Variants in FHOD3 observed in about 807,000 individuals in gnomAD.
FHOD3 encodes FH1/FH2 domain-containing protein 3.
A neutral mutation model predicts 173.0 loss-of-function variants in FHOD3; 90 were observed. The observed-to-expected ratio is 0.52, with a 90% CI of 0.44 to 0.62. The LOEUF (loss-of-function observed/expected upper bound fraction) is 0.62. Ranked by LOEUF, FHOD3 falls within the 20% of genes least tolerant of loss-of-function variation. The pLI is 0.00. For synonymous variants in FHOD3, 828 were observed against 823.0 expected, an observed-to-expected ratio of 1.01 and a Z score of -0.10; for missense variants, 1,945 against 2,034.7, an observed-to-expected ratio of 0.96 and a Z score of 0.85.
chr18:36,643,385 C>G (rs917769180), intron 10 of FHOD3, among the ~76,000 whole-genome samples: 1 of 151,966 alleles, frequency 6.6e-6, no homozygotes, highest in Non-Finnish European at 1.5e-5. Flanking sequence ...GCCCTCCACC[C>G]CTGTTGTGAC....
chr18:36,369,595 A>G (rs74917185), intron 2 of FHOD3, among the ~76,000 whole-genome samples: 2,007 of 152,052 alleles, frequency 0.013, 33 homozygotes, highest in African/African-American at 0.045. Flanking sequence ...AGACTTACGT[A>G]TATGTGTATA....
chr18:36,770,414 G>T (rs1415528794), intron 28 of FHOD3, among the ~76,000 whole-genome samples: 1 of 152,198 alleles, frequency 6.6e-6, no homozygotes, highest in Admixed American at 6.5e-5. Context: ...GCCTGTGTAT[G>T]TTGGACCCAG....
intron 10 of FHOD3, among the ~76,000 whole-genome samples, chr18:36,630,565 A>G (rs1339723623): frequency 1.3e-5 from 2 of 152,234 alleles, no homozygotes; most frequent in Non-Finnish European, 2.9e-5. Context: ...ATGGAATGTG[A>G]CACCAGCATA....
At chr18:36,400,724 T>G (rs546791928) in intron 3 of FHOD3, among the ~76,000 whole-genome samples, 12 of 152,290 alleles carry the variant, frequency 7.9e-5, no homozygotes, top group African/African-American at 2.9e-4. Flanking sequence ...GGAACAGGGA[T>G]GGAGGCTGGG....
At chr18:36,354,184 C>T (rs972681456) in intron 1 of FHOD3, among the ~76,000 whole-genome samples, 11 of 152,142 alleles carry the variant, frequency 7.2e-5, no homozygotes, top group Admixed American at 2.0e-4. Context: ...CATTTTGCAC[C>T]GTGACAAAAT....
chr18:36,592,090 G>A (rs547684557), intron 6 of FHOD3, among the ~76,000 whole-genome samples: 58 of 152,234 alleles, frequency 3.8e-4, no homozygotes, highest in African/African-American at 1.4e-3. Flanking sequence ...ATGGTGGTGC[G>A]CACCTGTAGT....
intron 3 of FHOD3, among the ~76,000 whole-genome samples, chr18:36,384,397 AACAC>A (rs2047928129): frequency 6.7e-6 from 1 of 149,892 alleles, no homozygotes; most frequent in African/African-American, 2.5e-5. Context: ...CAAAAAAACA[AACAC>A]AAAAAACACC....
chr18:36,454,785 A>G (rs112486391), intron 3 of FHOD3, among the ~76,000 whole-genome samples: 3,371 of 151,792 alleles, frequency 0.022, 45 homozygotes, highest in Middle Eastern at 0.037. Flanking sequence ...ATGGGGGAGG[A>G]TATTCCAGCA....
chr18:36,339,921 G>C (rs2045528020), intron 1 of FHOD3, among the ~76,000 whole-genome samples: 1 of 152,202 alleles, frequency 6.6e-6, no homozygotes, highest in African/African-American at 2.4e-5. Context: ...TAGCTGGTCT[G>C]AGTGACCCTA....
intron 3 of FHOD3, among the ~76,000 whole-genome samples, chr18:36,397,550 C>T (rs1307752451): frequency 6.6e-6 from 1 of 152,148 alleles, no homozygotes; most frequent in Non-Finnish European, 1.5e-5. Flanking sequence ...ATATGCTCTT[C>T]ACCCATTATT....
intron 10 of FHOD3, among the ~76,000 whole-genome samples, chr18:36,647,033 T>C (rs2035734961): frequency 6.6e-6 from 1 of 152,152 alleles, no homozygotes; most frequent in African/African-American, 2.4e-5. Context: ...GGTCGGGAGT[T>C]TGAGACCAGC....
intron 10 of FHOD3, among the ~76,000 whole-genome samples, chr18:36,640,732 G>C (rs2035243355): frequency 1.3e-5 from 2 of 152,184 alleles, no homozygotes; most frequent in Admixed American, 1.3e-4. Flanking sequence ...AGTCTGGGGT[G>C]ACTGGGCTCT....
At chr18:36,474,810 G>T (rs1790640) in intron 3 of FHOD3, among the ~76,000 whole-genome samples, 1 of 151,844 alleles carries the variant, frequency 6.6e-6, no homozygotes, top group Non-Finnish European at 1.5e-5. Flanking sequence ...CCATGGCTGG[G>T]AGTAAATTCC....
Position 36,602,743 on chromosome 18 carries a change from T to A in FHOD3, c.788T>A (p.Val263Asp). The change falls in exon 8 of 29, where the codon GTT (valine) becomes GAT (aspartate). Residue 263 changes from valine to aspartate, a missense_variant. Coordinates refer to ENST00000590592, the MANE Select transcript of FHOD3 (RefSeq NM_001281740.3). ...EKDGVDTELLVYAMTLVNKTL... is the reference protein window; with the variant it reads ...EKDGVDTELLDYAMTLVNKTL... Reference sequence around the variant, plus strand: ...GATGGAGTTGATACGGAGCTACTGGTTTATGCAATGACTTTGGTGAACAAG... The same window carrying A: ...GATGGAGTTGATACGGAGCTACTGGATTATGCAATGACTTTGGTGAACAAG... 1 of 1,614,120 alleles carries A rather than the reference T, an allele frequency of 6.2e-7. No homozygotes were observed. The highest frequency in any genetic ancestry group is 8.5e-7 in the Non-Finnish European group (1 of 1,179,962).
chr18:36,639,117 G>A (rs569920030), intron 10 of FHOD3, among the ~76,000 whole-genome samples: 7 of 152,304 alleles, frequency 4.6e-5, no homozygotes, highest in African/African-American at 1.7e-4. Context: ...TCTGAAGGCT[G>A]CCTTCCTGAA....
intron 3 of FHOD3, among the ~76,000 whole-genome samples, chr18:36,434,130 T>C (rs568067253): frequency 6.6e-6 from 1 of 152,336 alleles, no homozygotes; most frequent in East Asian, 1.9e-4. Context: ...TACTCTTTTA[T>C]GTTATATTAT....
intron 24 of FHOD3, among the ~76,000 whole-genome samples, chr18:36,747,670 T>G (rs1478507650): frequency 6.6e-6 from 1 of 152,218 alleles, no homozygotes; most frequent in Non-Finnish European, 1.5e-5. Context: ...AAGAGGACCC[T>G]GGAGACACAG....
chr18:36,741,931 A>G lies in FHOD3; in HGVS notation c.3760-806A>G, dbSNP rs368593863. On this transcript the variant is annotated intron_variant, in intron 21 of 28. Transcript: ENST00000590592. ...ATCAGGAAGTCAAGCAGAGAGGAAG[A>G]CACCTAGGGATTGCTGAGGTGACTG... Among the ~76,000 whole-genome samples the G allele has an allele frequency of 5.9e-5, 9 of 152,140 alleles. No homozygotes were observed. In the East Asian group the frequency reaches 1.8e-3, roughly 30 times the overall value.
chr18:36,711,733 A>G (rs2040182367), intron 18 of FHOD3, among the ~76,000 whole-genome samples: 1 of 152,258 alleles, frequency 6.6e-6, no homozygotes. Context: ...CAGACTGCCT[A>G]GGAACCTCTG....
Sources: allele counts gnomAD v4.1 joint callset (sites outside exome capture counted in the v4.1 genomes callset), GRCh38; gene constraint gnomAD v4.1.1; transcripts MANE v1.5; gene names NCBI Gene and HGNC (gene_info 2026-07-23, HGNC 2026-07-21).